Variants in FBXO22 observed in about 807,000 individuals in gnomAD.
The protein encoded by FBXO22 is F-box only protein 22.
In FBXO22, 13 loss-of-function variants were observed where a neutral mutation model predicts 37.2. The ratio of observed to expected loss-of-function variants is 0.35; its 90% CI spans 0.23 to 0.56. The LOEUF is 0.56. Ranked by LOEUF, FBXO22 falls within the 20% of genes least tolerant of loss-of-function variation. The pLI is 0.87. For missense variants in FBXO22, 446 were observed against 509.9 expected, an observed-to-expected ratio of 0.87 and a Z score of 1.21; for synonymous variants, 189 against 189.1, an observed-to-expected ratio of 1.00 and a Z score of 0.00.
At chr15:75,904,709 A>C in intron 2 of FBXO22, 80 bp downstream of exon 2, 1 of 1,373,852 alleles carries the variant, frequency 7.3e-7, no homozygotes. Flanking sequence ...TTTAAATCCC[A>C]GTTTTGTTAA....
At chr15:75,927,737 T>C (rs1461780660) in intron 5 of FBXO22, among the ~76,000 whole-genome samples, 1 of 152,166 alleles carries the variant, frequency 6.6e-6, no homozygotes, top group Non-Finnish European at 1.5e-5. Flanking sequence ...GTGTAGAGAA[T>C]TGGAAATGGA....
intron 5 of FBXO22, among the ~76,000 whole-genome samples, chr15:75,929,173 ACTG>A (rs915898689): frequency 2.6e-5 from 4 of 152,060 alleles, no homozygotes; most frequent in Non-Finnish European, 5.9e-5. Flanking sequence ...CTGTGGTCAC[ACTG>A]CCTTTTCTTC....
chr15:75,925,416 C>CTT (rs1900416879), intron 5 of FBXO22, among the ~76,000 whole-genome samples: 1 of 150,874 alleles, frequency 6.6e-6, no homozygotes, highest in Non-Finnish European at 1.5e-5. Context: ...CTTTTTGAAC[C>CTT]TTTAACTACT....
chr15:75,920,011 A>AGTTAGC lies in FBXO22; in HGVS notation c.628+2618_628+2623dup, dbSNP rs535850007. Among the ~76,000 whole-genome samples, 610 of 152,348 alleles carry AGTTAGC rather than the reference A, an allele frequency of 4.0e-3. 2 individuals carry two copies. Among genetic ancestry groups the AGTTAGC allele is most frequent in the African/African-American group, 0.014 (597 of 41,572 alleles). On this transcript the variant is annotated intron_variant, in intron 5 of 6. Coordinates refer to ENST00000308275, the MANE Select transcript of FBXO22 (RefSeq NM_147188.3). ...GGCTCTTAGGGTATGTAAATAGCAG[A>AGTTAGC]GTTAGCAGAAATGTTAAAGCTATTC...
At chr15:75,919,643 T>G (rs1900274884) in intron 5 of FBXO22, among the ~76,000 whole-genome samples, 1 of 152,208 alleles carries the variant, frequency 6.6e-6, no homozygotes, top group African/African-American at 2.4e-5. Flanking sequence ...ATAAAACGCT[T>G]AGCAACAGTA....
At chr15:75,906,770 G>C (rs946619929) in intron 2 of FBXO22, among the ~76,000 whole-genome samples, 1 of 152,046 alleles carries the variant, frequency 6.6e-6, no homozygotes, top group Non-Finnish European at 1.5e-5. Flanking sequence ...CATTTTCCCA[G>C]AAGTTTATCA....
At chr15:75,925,111 G>A (rs1242883115) in intron 5 of FBXO22, among the ~76,000 whole-genome samples, 2 of 152,174 alleles carry the variant, frequency 1.3e-5, no homozygotes, top group African/African-American at 2.4e-5. Flanking sequence ...CCATAGCTCA[G>A]TAGGCACAGT....
chr15:75,920,485 T>C (rs1900292917), intron 5 of FBXO22, among the ~76,000 whole-genome samples: 1 of 152,162 alleles, frequency 6.6e-6, no homozygotes, highest in Non-Finnish European at 1.5e-5. Flanking sequence ...GTTGACGAGA[T>C]GACTATCTAT....
intron 6 of FBXO22, chr15:75,930,742 A>G: frequency 1.0e-6 from 1 of 985,440 alleles, no homozygotes. Context: ...CATAAATATC[A>G]TTTGTTTCCA....
At chr15:75,904,257 C>A in intron 1 of FBXO22, 154 bp downstream of exon 1, 1 of 1,205,422 alleles carries the variant, frequency 8.3e-7, no homozygotes, top group Non-Finnish European at 1.1e-6. Flanking sequence ...CGCGAGGTAT[C>A]TCCCAGCCGT....
At chr15:75,905,871 G>A (rs1384152176) in intron 2 of FBXO22, among the ~76,000 whole-genome samples, 1 of 152,126 alleles carries the variant, frequency 6.6e-6, no homozygotes, top group Non-Finnish European at 1.5e-5. Context: ...TGTTATTGGT[G>A]GTATTACCTT....
At chr15:75,905,560 C>G (rs140199998) in intron 2 of FBXO22, 1 of 152,204 alleles carries the variant, frequency 6.6e-6, no homozygotes, top group Non-Finnish European at 1.5e-5. Flanking sequence ...TGATACATTT[C>G]TACCATTTTA....
chr15:75,909,490 GC>G (rs1204110983), intron 2 of FBXO22, among the ~76,000 whole-genome samples: 1 of 152,138 alleles, frequency 6.6e-6, no homozygotes, highest in Non-Finnish European at 1.5e-5. Flanking sequence ...GAGTGATACA[GC>G]CTGTATACCT....
chr15:75,926,211 A>G (rs550704447), intron 5 of FBXO22, among the ~76,000 whole-genome samples: 36 of 152,340 alleles, frequency 2.4e-4, no homozygotes, highest in Admixed American at 1.0e-3. Context: ...CGGGTGGCCC[A>G]GAACATTGGG....
At chr15:75,925,675 TAAAA>T (rs371276673) in intron 5 of FBXO22, among the ~76,000 whole-genome samples, 1 of 137,472 alleles carries the variant, frequency 7.3e-6, no homozygotes, top group Non-Finnish European at 1.5e-5. Flanking sequence ...AAGCTAGTGT[TAAAA>T]AAAAAAAAAA....
chr15:75,904,951 G>A (rs952364490), intron 2 of FBXO22, among the ~76,000 whole-genome samples: 1 of 151,804 alleles, frequency 6.6e-6, no homozygotes, highest in Non-Finnish European at 1.5e-5. Context: ...AGCCTCCCGA[G>A]TAGCTGGGAC....
intron 5 of FBXO22, among the ~76,000 whole-genome samples, chr15:75,923,166 C>A (rs1228775918): frequency 6.6e-6 from 1 of 152,074 alleles, no homozygotes; most frequent in African/African-American, 2.4e-5. Flanking sequence ...AAGCTAGGAC[C>A]CTAGTTTTGT....
At chr15:75,917,815 G>C (rs1423821013) in intron 5 of FBXO22, among the ~76,000 whole-genome samples, 2 of 152,066 alleles carry the variant, frequency 1.3e-5, no homozygotes, top group Admixed American at 1.3e-4. Context: ...AGTTCTTTGT[G>C]AACTAATTAG....
chr15:75,916,417 A>C (rs116366137), intron 4 of FBXO22, among the ~76,000 whole-genome samples: 26 of 152,252 alleles, frequency 1.7e-4, no homozygotes, highest in African/African-American at 6.3e-4. Flanking sequence ...CTGTGTTCTC[A>C]TGTGGCCTTT....
Sources: gnomAD v4.1 joint callset for allele counts (sites outside exome capture counted in the v4.1 genomes callset) on GRCh38, gnomAD v4.1.1 for gene constraint, MANE v1.5 for transcripts, NCBI Gene and HGNC (gene_info 2026-07-23, HGNC 2026-07-21) for gene names.